DNMT3A: variants seen among roughly 807,000 people sequenced by gnomAD.
The protein encoded by DNMT3A is DNA (cytosine-5)-methyltransferase 3A.
In DNMT3A, 267 loss-of-function variants were observed where a neutral mutation model predicts 117.6. The observed-to-expected ratio is 2.27, with a 90% CI of 2.05 to 2.51. The LOEUF (loss-of-function observed/expected upper bound fraction) is 2.51. Among genes scored for constraint, DNMT3A ranks in the 30% most tolerant of loss-of-function variants. The pLI is 0.00. For synonymous variants in DNMT3A, 432 were observed against 474.8 expected, an observed-to-expected ratio of 0.91 and a Z score of 1.17; for missense variants, 1,029 against 1,260.2, an observed-to-expected ratio of 0.82 and a Z score of 2.78.
rs976277184 is a variant in DNMT3A, at chr2:25,257,784, G to A, written c.640-9532C>T. Among the ~76,000 whole-genome samples, 7 of 152,182 alleles carry A rather than the reference G, an allele frequency of 4.6e-5. No individual in the cohort carries two copies. Among genetic ancestry groups the A allele is most frequent in the African/African-American group, 1.4e-4 (6 of 41,432 alleles). On this transcript the variant is annotated intron_variant, in intron 6 of 22. Coordinates refer to ENST00000321117, the MANE Select transcript of DNMT3A (RefSeq NM_022552.5). This position sits in a 1 kb window ranked among gnomAD's most constrained non-coding sequence, Gnocchi z 4.8. ...ACGTAGATCAGCGGGCTTAAGGTGG[G>A]GCCCAGGAATCTATTAAAACCTCCC...
Position 25,237,054 on chromosome 2 carries a change from G to A in DNMT3A, c.2409-49C>T. On this transcript the variant is annotated intron_variant, in intron 20 of 22. Transcript: ENST00000321117. This position sits in a 1 kb window ranked among gnomAD's most constrained non-coding sequence, Gnocchi z 5.4. ...AACAACAGAAACCTGGATAACAGCG[G>A]GAAGGGCCCCAGCTGCACGACTCCC... The A allele has an allele frequency of 6.3e-7, 1 of 1,596,918 alleles. No homozygotes were observed. The highest frequency in any genetic ancestry group is 8.6e-7 in the Non-Finnish European group (1 of 1,168,932).
intron 2 of DNMT3A, 47 bp from the exon 3 acceptor site, chr2:25,300,290 G>A: frequency 1.3e-6 from 2 of 1,588,654 alleles, no homozygotes; most frequent in Non-Finnish European, 1.7e-6. Flanking sequence ...GATCCCAGCA[G>A]TGTAGCATTC....
In DNMT3A at chr2:25,236,970, A is replaced by G. The variant is rs1673438682; in HGVS notation, c.2444T>C (p.Leu815Pro). The change falls in exon 21 of 23, where the codon CTG (leucine) becomes CCG (proline). Residue 815 changes from leucine to proline, a missense_variant. Leu to Pro is a moderately conservative substitution (Grantham distance 98, BLOSUM62 -3). Coordinates refer to ENST00000321117, the MANE Select transcript of DNMT3A (RefSeq NM_022552.5). The surrounding 1 kb of genome is among the most constrained non-coding windows in gnomAD (Gnocchi z 4.5). ...LASTVNDKLELQECLEHGRIA... is the reference protein window; with the variant it reads ...LASTVNDKLEPQECLEHGRIA... Reference sequence around the variant, plus strand: ...CCTGCCATGCTCCAGACACTCCTGCAGCTCCAGCTTATCATTCACAGTGGA... The same window carrying G: ...CCTGCCATGCTCCAGACACTCCTGCGGCTCCAGCTTATCATTCACAGTGGA... The G allele has an allele frequency of 6.2e-7, 1 of 1,613,724 alleles. No individual in the cohort carries two copies. Among genetic ancestry groups the G allele is most frequent in the Non-Finnish European group, 8.5e-7 (1 of 1,179,902 alleles).
chr2:25,325,943 G>A (rs1204599817), intron 1 of DNMT3A, among the ~76,000 whole-genome samples: 1 of 152,208 alleles, frequency 6.6e-6, no homozygotes, highest in Non-Finnish European at 1.5e-5. Flanking sequence ...ACTCCACCAA[G>A]TAAAAGAAGC....
intron 6 of DNMT3A, among the ~76,000 whole-genome samples, chr2:25,272,619 C>CT (rs1375447883): frequency 6.6e-6 from 1 of 152,108 alleles, no homozygotes; most frequent in Non-Finnish European, 1.5e-5. Context: ...AGAAGAGCCC[C>CT]ATTCCTGAAT....
At chr2:25,340,890 C>CCCCCG (rs1558754468) in intron 1 of DNMT3A, among the ~76,000 whole-genome samples, 1 of 143,774 alleles carries the variant, frequency 7.0e-6, no homozygotes, top group Non-Finnish European at 1.5e-5. Context: ...TCCTCGCCCG[C>CCCCCG]CCCCGCCCCG....
intron 20 of DNMT3A, 54 bp downstream of exon 20, chr2:25,239,076 A>C: frequency 6.4e-7 from 1 of 1,554,004 alleles, no homozygotes. Context: ...ACTATGGGTC[A>C]TCCCACCTGC....
Position 25,300,712 on chromosome 2 carries a change from A to AC in DNMT3A, c.73-470_73-469insG, listed in dbSNP as rs1491509599. On this transcript the variant is annotated intron_variant, in intron 2 of 22. Coordinates refer to ENST00000321117, the MANE Select transcript of DNMT3A (RefSeq NM_022552.5). ...ATATATTTATATATCTAAATAATAT[A>AC]ATATATATATATATATATATATATA... is the stretch of plus-strand genomic sequence containing the variant. Among the ~76,000 whole-genome samples the AC allele has an allele frequency of 4.1e-3, 77 of 18,926 alleles. 2 individuals carry two copies. Among genetic ancestry groups the AC allele is most frequent in the African/African-American group, 0.011 (62 of 5,820 alleles). 12.4% of individuals were successfully genotyped at this position (18,926 alleles called of 152,430 possible).
chr2:25,314,545 G>A, intron 1 of DNMT3A: 1 of 982,538 alleles, frequency 1.0e-6, no homozygotes, highest in East Asian at 1.2e-4. Flanking sequence ...GAGGCCCCTA[G>A]CCCAGCTACG....
intron 4 of DNMT3A, among the ~76,000 whole-genome samples, chr2:25,276,188 T>A (rs2149367889): frequency 6.6e-6 from 1 of 152,180 alleles, no homozygotes; most frequent in South Asian, 2.1e-4. Context: ...AATATTATGA[T>A]TCTATTACTA....
intron 1 of DNMT3A, among the ~76,000 whole-genome samples, chr2:25,331,820 C>A (rs1182636046): frequency 6.6e-6 from 1 of 152,086 alleles, no homozygotes; most frequent in East Asian, 1.9e-4. Context: ...TCAGCCTCCC[C>A]CTGGGGAAAT....
intron 1 of DNMT3A, chr2:25,314,555 G>A (rs1332092068): frequency 2.1e-5 from 21 of 980,558 alleles, no homozygotes; most frequent in Non-Finnish European, 2.5e-5. Flanking sequence ...GCCCAGCTAC[G>A]TTTTCCTTCT....
At position 25,247,263 on chromosome 2, in the gene DNMT3A, C is replaced by T. The variant is rs1438740072; in HGVS notation, c.1015-105G>A. ...TGGGAGCCTCGAGAGTCAGTCTCAGCCCTGGAGGGGACCAGATACAGTGAT... is the reference window on the plus strand; with the variant it reads ...TGGGAGCCTCGAGAGTCAGTCTCAGTCCTGGAGGGGACCAGATACAGTGAT... On this transcript the variant is annotated intron_variant, in intron 8 of 22. Transcript: ENST00000321117. The surrounding 1 kb of genome is among the most constrained non-coding windows in gnomAD (Gnocchi z 5.6). 1.5e-5 allele frequency: 17 copies of T among 1,137,624 alleles called. No individual in the cohort carries two copies. The highest frequency in any genetic ancestry group is 1.8e-5 in the Non-Finnish European group (14 of 776,328). The allele number at this position is 1,137,624 out of a possible 1,614,324, so 70.5% of individuals were successfully genotyped here.
chr2:25,283,311 G>A (rs937421843), intron 3 of DNMT3A, among the ~76,000 whole-genome samples: 10 of 144,914 alleles, frequency 6.9e-5, no homozygotes, highest in Non-Finnish European at 1.3e-4. Flanking sequence ...GCGGTGAGCC[G>A]AGATCACGCC....
chr2:25,340,863 C>A (rs1393106136), intron 1 of DNMT3A, among the ~76,000 whole-genome samples: 1 of 141,698 alleles, frequency 7.1e-6, no homozygotes, highest in African/African-American at 2.6e-5. Context: ...CCCCGCGGCC[C>A]GGGCCCGGGC....
rs1313362284 is a variant in DNMT3A at position 25,282,237 on chromosome 2, A to T, written c.448+204T>A. On this transcript the variant is annotated intron_variant, in intron 4 of 22. Transcript: ENST00000321117. This position sits in a 1 kb window ranked among gnomAD's most constrained non-coding sequence, Gnocchi z 5.2. ...TTTAAATACTGGCAACTAATTTTTT[A>T]AATGTTTAAAACACTCTATGGGCCA... 1 of 1,252,672 alleles carries T rather than the reference A, an allele frequency of 8.0e-7. No individual in the cohort carries two copies. 77.6% of individuals were successfully genotyped at this position (1,252,672 alleles called of 1,614,324 possible).
In DNMT3A at chr2:25,237,660, G is replaced by A. The variant is rs1464209212; in HGVS notation, c.2409-655C>T. ...GGTGCCTGTAATCCCAGCTACTCGG[G>A]AGGCTGAGGCAGGAGAATCGCTTGA... On this transcript the variant is annotated intron_variant, in intron 20 of 22. Transcript: ENST00000321117. The surrounding 1 kb of genome is among the most constrained non-coding windows in gnomAD (Gnocchi z 5.4). Among the ~76,000 whole-genome samples, 1 of 151,974 alleles carries A rather than the reference G, an allele frequency of 6.6e-6. No homozygotes were observed. Among genetic ancestry groups the A allele is most frequent in the Non-Finnish European group, 1.5e-5 (1 of 67,986 alleles).
rs778675092 is a variant in DNMT3A at position 25,282,393 on chromosome 2, G to C, written c.448+48C>G. On this transcript the variant is annotated intron_variant, in intron 4 of 22. Transcript: ENST00000321117. The surrounding 1 kb of genome is among the most constrained non-coding windows in gnomAD (Gnocchi z 5.2). ...GAGAGCCAAGTCCCTGACTCTCAGG[G>C]TATGCTGGTGGGCCCAGAAGAGGCT... is the stretch of plus-strand genomic sequence containing the variant. The C allele has an allele frequency of 1.4e-5, 23 of 1,589,898 alleles. No homozygotes were observed. The highest frequency in any genetic ancestry group is 1.9e-5 in the Non-Finnish European group (22 of 1,168,344).
intron 6 of DNMT3A, among the ~76,000 whole-genome samples, chr2:25,258,027 C>T (rs552297756): frequency 9.2e-5 from 14 of 152,338 alleles, no homozygotes; most frequent in Middle Eastern, 3.4e-3. Flanking sequence ...CTGGGCCTTT[C>T]CCACCTGCTC....
Sources: allele counts gnomAD v4.1 joint callset (sites outside exome capture counted in the v4.1 genomes callset), GRCh38; gene constraint gnomAD v4.1.1; non-coding constraint Gnocchi (gnomAD v3.1); transcripts MANE v1.5; gene names NCBI Gene and HGNC (gene_info 2026-07-23, HGNC 2026-07-21).